The following MGAM variants were observed in gnomAD, a reference collection of about 807,000 sequenced individuals.
MGAM encodes the protein maltase-glucoamylase.
In MGAM, 253 loss-of-function variants were observed where a neutral mutation model predicts 358.8. The ratio of observed to expected loss-of-function variants is 0.71; its 90% confidence interval spans 0.64 to 0.78. The LOEUF (loss-of-function observed/expected upper bound fraction) is 0.78, where lower values mean the gene tolerates loss of function less well. Among genes scored for constraint, MGAM ranks in the 30% least tolerant of loss-of-function variants. The pLI, the probability that MGAM is intolerant of heterozygous loss-of-function variation, is 0.00. For missense variants in MGAM, 3,080 were observed against 3,432.6 expected, an observed-to-expected ratio of 0.90 and a Z score of 2.57; for synonymous variants, 1,105 against 1,227.1, an observed-to-expected ratio of 0.90 and a Z score of 2.08.
At position 142,045,052 on chromosome 7, in the gene MGAM, AAT is replaced by A. The variant is rs1180239405; in HGVS notation, c.2499-2730_2499-2729del. The stretch of plus-strand genomic sequence containing the variant: ...TATACACGTGTAATATATGATATAT[AAT>A]ATGTATATTATATATACGTGTAATA... On this transcript the variant is annotated intron_variant, in intron 21 of 70. Coordinates refer to ENST00000475668, the MANE Select transcript of MGAM (RefSeq NM_001365693.1). 6.4e-5 allele frequency among the ~76,000 whole-genome samples: 6 copies of A among 93,812 alleles called. 1 individual carries two copies. Among genetic ancestry groups the A allele is most frequent in the African/African-American group, 1.7e-4 (4 of 23,540 alleles). The allele number at this position is 93,812 out of a possible 152,430, so 61.5% of individuals were successfully genotyped here.
chr7:142,022,489 T>G, intron 7 of MGAM, 50 bp downstream of exon 7: 1 of 1,564,332 alleles, frequency 6.4e-7, no homozygotes. Flanking sequence ...GTCTCATTCT[T>G]AAAGGTCACC....
At position 142,076,650 on chromosome 7, in the gene MGAM, G is replaced by T. The variant is rs770215636; in HGVS notation, c.5326-9G>T. 5.2e-6 allele frequency: 8 copies of T among 1,526,058 alleles called. 2 individuals are homozygous for T. Among genetic ancestry groups the T allele is most frequent in the Non-Finnish European group, 7.2e-6 (8 of 1,109,040 alleles). 94.5% of individuals were successfully genotyped at this position (1,526,058 alleles called of 1,614,324 possible). ...CCTTTATGCATAATTGGAGTTAATT[G>T]TTTTGCAGAACCACTTGGAGGTGAC... On this transcript the variant is annotated splice_polypyrimidine_tract_variant and intron_variant, in intron 46 of 70. Transcript: ENST00000475668.
At position 142,078,427 on chromosome 7, in the gene MGAM, G is replaced by C; in HGVS notation, c.5603G>C (p.Gly1868Ala). The change falls in exon 48 of 71, where the codon GGT (glycine) becomes GCT (alanine). Residue 1868 changes from glycine (G) to alanine (A), a missense_variant. By Grantham distance (60) the Gly-to-Ala change is moderately conservative. This residue lies in a region of MGAM where 932 missense variants were observed against 1,198.2 expected (regional missense o/e 0.78). Transcript: ENST00000475668. ...EKIDCYPDEN[G>A]DSAENCTARG... Reference sequence around the variant, plus strand: ...ATAGACTGTTACCCTGATGAGAATGGTGATTCTGCAGAAAACTGCACTGCC... The same window carrying C: ...ATAGACTGTTACCCTGATGAGAATGCTGATTCTGCAGAAAACTGCACTGCC... The C allele has an allele frequency of 6.5e-7, 1 of 1,543,920 alleles. No individual in the cohort carries two copies. Among genetic ancestry groups the C allele is most frequent in the South Asian group, 1.1e-5 (1 of 87,304 alleles).
chr7:142,039,086 G>C (rs921886224), intron 19 of MGAM, among the ~76,000 whole-genome samples: 2 of 151,092 alleles, frequency 1.3e-5, no homozygotes, highest in African/African-American at 4.9e-5. Context: ...AGACGGGGTG[G>C]GGGGAGTTGC....
At chr7:142,046,218 C>A (rs1484144547) in intron 21 of MGAM, among the ~76,000 whole-genome samples, 2 of 146,910 alleles carry the variant, frequency 1.4e-5, no homozygotes, top group Non-Finnish European at 1.5e-5. Flanking sequence ...TTCTTTAATA[C>A]TGTTAGTATT....
chr7:142,008,312 A>G (rs990034405), intron 2 of MGAM, among the ~76,000 whole-genome samples, 194 bp from the exon 3 acceptor site: 7 of 152,268 alleles, frequency 4.6e-5, no homozygotes, highest in Admixed American at 4.6e-4. Context: ...GTAGAAGGAG[A>G]TGATATAGAG....
At chr7:142,004,388 A>G (rs1306112275) in intron 1 of MGAM, 1 of 152,052 alleles carries the variant, frequency 6.6e-6, no homozygotes, top group Non-Finnish European at 1.5e-5. Flanking sequence ...CATATTTTTT[A>G]GCAACATGGA....
In MGAM at chr7:142,036,881, A is replaced by G. The variant is rs1249802333; in HGVS notation, c.2135A>G (p.Tyr712Cys). Residue 712 changes from tyrosine (Y) to cysteine (C), a missense_variant, in exon 18 of 71, where the codon TAC becomes TGC. Physicochemically the swap from Tyr to Cys is radical, Grantham distance 194 (BLOSUM62 -2). This residue lies in a region of MGAM where 1,816 missense variants were observed against 1,840.5 expected (regional missense o/e 0.99). Transcript: ENST00000475668. The stretch of plus-strand genomic sequence containing the variant: ...CTGCTGTTGAATTCCTCCAGGCACT[A>G]CCTTAACATCCGCTATACTCTATTG... The part of the protein sequence containing the change: ...DSLLLNSSRH[Y>C]LNIRYTLLPY... The G allele has an allele frequency of 6.2e-7, 1 of 1,613,524 alleles. No homozygotes were observed. Among genetic ancestry groups the G allele is most frequent in the Admixed American group, 1.7e-5 (1 of 59,998 alleles).
chr7:142,039,891 A>G (rs545751654), intron 19 of MGAM, among the ~76,000 whole-genome samples: 1 of 152,230 alleles, frequency 6.6e-6, no homozygotes, highest in East Asian at 1.9e-4. Context: ...CACATGTTTT[A>G]TTATTATTTT....
Position 142,025,086 on chromosome 7 carries a change from T to G in MGAM, c.919T>G (p.Leu307Val). 2 of 1,613,816 alleles carry G rather than the reference T, an allele frequency of 1.2e-6. No individual in the cohort carries two copies. Among genetic ancestry groups the G allele is most frequent in the Non-Finnish European group, 1.7e-6 (2 of 1,179,726 alleles). The change falls in exon 8 of 71, where the codon TTG (leucine) becomes GTG (valine). Residue 307 changes from leucine to valine, a missense_variant. Physicochemically the swap from Leu to Val is conservative, Grantham distance 32. Coordinates refer to ENST00000475668, the MANE Select transcript of MGAM (RefSeq NM_001365693.1). ...TTTGTATGGTGCGCAGACATTCTTCTTGTGCCTTGAAGATGCTAGTGGATT... is the reference window on the plus strand; with the variant it reads ...TTTGTATGGTGCGCAGACATTCTTCGTGTGCCTTGAAGATGCTAGTGGATT... ...TNLYGAQTFF[L>V]CLEDASGLSF... is the part of the protein sequence containing the mutation.
Position 142,094,847 on chromosome 7 carries a change from A to T in MGAM, c.7442A>T (p.Asn2481Ile). 1 of 1,613,974 alleles carries T rather than the reference A, an allele frequency of 6.2e-7. No individual in the cohort carries two copies. Among genetic ancestry groups the T allele is most frequent in the Non-Finnish European group, 8.5e-7 (1 of 1,179,870 alleles). ...TTTTACCCCTTCTCAAGAAACCACA[A>T]CACCATTGGGACCAGGGTAGGACAG... is the stretch of plus-strand genomic sequence containing the variant. ...GAFYPFSRNH[N>I]TIGTRRQDPV... The change falls in exon 63 of 71, where the codon AAC (asparagine) becomes ATC (isoleucine). Residue 2481 changes from asparagine to isoleucine, a missense_variant. Transcript: ENST00000475668.
chr7:142,045,612 A>G (rs1265991182), intron 21 of MGAM, among the ~76,000 whole-genome samples: 3 of 108,486 alleles, frequency 2.8e-5, no homozygotes, highest in East Asian at 5.0e-4. Context: ...TATAATATAT[A>G]TTATATACAT....
intron 3 of MGAM, among the ~76,000 whole-genome samples, chr7:142,012,129 A>T (rs1805648614): frequency 6.6e-6 from 1 of 152,184 alleles, no homozygotes; most frequent in Admixed American, 6.5e-5. Flanking sequence ...AAGATGGGAT[A>T]CTTTGTCTCA....
At chr7:141,989,174 G>T (rs1286722147) in intron 2 of MGAM, among the ~76,000 whole-genome samples, 2 of 151,880 alleles carry the variant, frequency 1.3e-5, no homozygotes, top group Non-Finnish European at 2.9e-5. Context: ...TGTAGTAGTG[G>T]TTTTTCTCCA....
chr7:141,986,535 G>A (rs75801896), intron 2 of MGAM, among the ~76,000 whole-genome samples: 2 of 152,232 alleles, frequency 1.3e-5, no homozygotes, highest in African/African-American at 4.8e-5. Flanking sequence ...GTACATGGCT[G>A]TAAGACATTG....
rs1479546367 is a variant in MGAM at position 142,019,309 on chromosome 7, C to T, written c.438C>T (p.Asn146=). Residue 146 remains asparagine, a synonymous_variant, in exon 4 of 71, where the codon AAC becomes AAT. Transcript: ENST00000475668. ...HSYHVEGNLV[N]TNAGFTARLK... is the part of the protein sequence containing the mutation. ...ACCATGTAGAGGGCAACCTTGTCAA[C>T]ACAAATGCAGGTAAGCCAGAGTCTG... 2 of 1,612,806 alleles carry T rather than the reference C, an allele frequency of 1.2e-6. No individual in the cohort carries two copies. Among genetic ancestry groups the T allele is most frequent in the Non-Finnish European group, 8.5e-7 (1 of 1,179,578 alleles).
chr7:142,030,269 G>A (rs1391984382), intron 10 of MGAM, 93 bp from the exon 11 acceptor site: 1 of 1,313,934 alleles, frequency 7.6e-7, no homozygotes, highest in Middle Eastern at 2.4e-4. Context: ...CCAGAACAGA[G>A]TTGTTTATCC....
At chr7:142,027,326 T>C (rs1005433360) in intron 9 of MGAM, 99 bp downstream of exon 9, 5 of 978,706 alleles carry the variant, frequency 5.1e-6, no homozygotes, top group Non-Finnish European at 7.9e-6. Context: ...CAAAATCTGC[T>C]GTTACAAATT....
rs1013154944 is a variant in MGAM, at chr7:142,095,805, T to G, written c.7607+92T>G. On this transcript the variant is annotated intron_variant, in intron 64 of 70. Coordinates refer to ENST00000475668, the MANE Select transcript of MGAM (RefSeq NM_001365693.1). ...AATTCTTCCAAATTAAAGACATGATTGCCTTTTGACATGAGCTCTTCAGGT... is the reference window on the plus strand; with the variant it reads ...AATTCTTCCAAATTAAAGACATGATGGCCTTTTGACATGAGCTCTTCAGGT... 4.0e-5 allele frequency: 62 copies of G among 1,558,018 alleles called. 1 individual carries two copies. The South Asian group carries it at 4.6e-4, about 12-fold the overall frequency.
Sources: allele counts gnomAD v4.1 joint callset (sites outside exome capture counted in the v4.1 genomes callset), GRCh38; gene constraint gnomAD v4.1.1; regional missense constraint gnomAD v4.1.1; transcripts MANE v1.5; gene names NCBI Gene and HGNC (gene_info 2026-07-23, HGNC 2026-07-21).